Variants in ANK2 observed in about 807,000 individuals in gnomAD.
ANK2 encodes the protein ankyrin-2.
ANK2 carries 83 observed loss-of-function variants against 360.5 expected under a neutral mutation model. That is an observed-to-expected ratio of 0.23 (90% CI 0.19 to 0.28). The LOEUF is 0.28. Ranked by LOEUF, ANK2 falls within the 10% of genes least tolerant of loss-of-function variation. The pLI is 1.00. For synonymous variants in ANK2, 1,740 were observed against 1,759.5 expected (o/e 0.99, Z 0.28); for missense variants, 4,201 against 4,795.7 (o/e 0.88, Z 3.66).
chr4:112,712,986 C>T, the ANK2 span, among the ~76,000 whole-genome samples: 1 of 152,168 alleles, frequency 6.6e-6, no homozygotes, highest in African/African-American at 2.4e-5. Flanking sequence ...AAATTTCCCT[C>T]ATGCTAATCC....
At chr4:113,208,574 T>G (rs2098982669) in intron 4 of ANK2, among the ~76,000 whole-genome samples, 1 of 151,998 alleles carries the variant, frequency 6.6e-6, no homozygotes, top group Admixed American at 6.5e-5. Context: ...ATGATATAGC[T>G]CACTGCAGTC....
chr4:112,881,209 G>A (rs1006958273), intron 1 of ANK2, among the ~76,000 whole-genome samples: 5 of 152,170 alleles, frequency 3.3e-5, no homozygotes, highest in Admixed American at 6.5e-5. Context: ...ATGCCAAGGC[G>A]GGCAGATCAC....
At chr4:113,143,180 C>T (rs1017729911) in intron 1 of ANK2, among the ~76,000 whole-genome samples, 6 of 100,910 alleles carry the variant, frequency 5.9e-5, no homozygotes, top group South Asian at 6.2e-4. Flanking sequence ...TTGTAAAGAG[C>T]GAGAGCTGAT....
Position 113,357,468 on chromosome 4 carries a change from C to T in ANK2, c.8850C>T (p.His2950=), listed in dbSNP as rs1298372610. ...EESKTQTDAN[H]TTSFHSSEVY... is the part of the protein sequence containing the mutation. ...GCAAAACCCAAACAGATGCAAATCA[C>T]ACCACAAGTTTTCACTCTTCTGAAG... is the stretch of plus-strand genomic sequence containing the variant. Residue 2950 remains histidine (H), a synonymous_variant, in exon 38 of 46, where the codon CAC becomes CAT. Transcript: ENST00000357077. 1 of 1,614,122 alleles carries T rather than the reference C, an allele frequency of 6.2e-7. No homozygotes were observed. Among genetic ancestry groups the T allele is most frequent in the Non-Finnish European group, 8.5e-7 (1 of 1,179,982 alleles).
chr4:113,073,504 T>C (rs1053342767), intron 1 of ANK2, among the ~76,000 whole-genome samples: 1 of 152,116 alleles, frequency 6.6e-6, no homozygotes, highest in African/African-American at 2.4e-5. Context: ...GATGCCAGCC[T>C]GAAGCGTAGA....
chr4:113,089,684 A>G (rs1373273194), intron 1 of ANK2, among the ~76,000 whole-genome samples: 4 of 152,026 alleles, frequency 2.6e-5, no homozygotes, highest in Admixed American at 6.6e-5. Flanking sequence ...AATTGGCTGG[A>G]TGTGTTGGTG....
At chr4:113,317,575 T>C in intron 24 of ANK2, 132 bp from the exon 25 acceptor site, 1 of 724,360 alleles carries the variant, frequency 1.4e-6, no homozygotes. Flanking sequence ...CAACAGAGAC[T>C]TGTGTCCCCC....
At chr4:112,838,836 TC>T (rs1185052318) in intron 1 of ANK2, among the ~76,000 whole-genome samples, 1 of 152,226 alleles carries the variant, frequency 6.6e-6, no homozygotes, top group Non-Finnish European at 1.5e-5. Flanking sequence ...GCCACTGCAC[TC>T]CAGCCTGGGT....
intron 1 of ANK2, among the ~76,000 whole-genome samples, chr4:113,126,046 T>A (rs958372925): frequency 6.6e-6 from 1 of 152,208 alleles, no homozygotes; most frequent in Non-Finnish European, 1.5e-5. Context: ...ATGGTTGTTT[T>A]GTATTTCAGA....
intron 27 of ANK2, among the ~76,000 whole-genome samples, chr4:113,330,767 T>C (rs910271980): frequency 6.6e-6 from 1 of 152,212 alleles, no homozygotes; most frequent in African/African-American, 2.4e-5. Context: ...ATGGTAGGTA[T>C]TATTTTCTCA....
intron 30 of ANK2, 188 bp downstream of exon 30, chr4:113,336,245 G>T: frequency 3.2e-6 from 2 of 630,408 alleles, no homozygotes; most frequent in South Asian, 2.7e-5. Context: ...ACTTATATTT[G>T]GACAATTAAC....
At chr4:113,287,746 G>A in intron 19 of ANK2, 43 bp downstream of exon 19, 1 of 1,538,278 alleles carries the variant, frequency 6.5e-7, no homozygotes, top group African/African-American at 1.4e-5. Context: ...TTCTGGCTGG[G>A]ATGATTCCCA....
chr4:112,899,106 T>A (rs941171049), intron 1 of ANK2, among the ~76,000 whole-genome samples: 3 of 152,204 alleles, frequency 2.0e-5, no homozygotes, highest in African/African-American at 7.2e-5. Context: ...GCCTTTCCTG[T>A]GGGTGTAGTC....
chr4:112,758,697 G>A, the ANK2 span, among the ~76,000 whole-genome samples: 1 of 152,186 alleles, frequency 6.6e-6, no homozygotes, highest in African/African-American at 2.4e-5. Flanking sequence ...TTACAGGTGT[G>A]AGCCACTGCG....
chr4:113,253,282 C>T (rs1260988107), intron 10 of ANK2, among the ~76,000 whole-genome samples: 1 of 152,188 alleles, frequency 6.6e-6, no homozygotes, highest in Admixed American at 6.5e-5. Context: ...CTCCTCATCT[C>T]TCAGGTCTCT....
chr4:113,181,630 C>T (rs976940031), intron 2 of ANK2, among the ~76,000 whole-genome samples: 1 of 151,980 alleles, frequency 6.6e-6, no homozygotes, highest in Admixed American at 6.6e-5. Context: ...GGAATGGGAG[C>T]GGTGTGTCAC....
At chr4:113,014,858 T>C in intron 2 of ANK2, among the ~76,000 whole-genome samples, 1 of 130,994 alleles carries the variant, frequency 7.6e-6, no homozygotes, top group African/African-American at 2.9e-5. Flanking sequence ...CTTTTTTTTT[T>C]TTTTTTTTTT....
intron 1 of ANK2, among the ~76,000 whole-genome samples, chr4:112,836,358 G>A (rs1020358704): frequency 1.2e-4 from 18 of 152,136 alleles, no homozygotes; most frequent in African/African-American, 4.1e-4. Context: ...CCAGTCTCAG[G>A]TAGTATCTTT....
intron 1 of ANK2, chr4:112,881,744 T>C (rs547477651): frequency 1.6e-5 from 10 of 622,002 alleles, no homozygotes; most frequent in African/African-American, 1.1e-4. Context: ...TCAGTGATGA[T>C]TTCCATCACT....
Sources: allele counts gnomAD v4.1 joint callset (sites outside exome capture counted in the v4.1 genomes callset), GRCh38; gene constraint gnomAD v4.1.1; transcripts MANE v1.5; gene names NCBI Gene and HGNC (gene_info 2026-07-23, HGNC 2026-07-21).